The following EIF2AK2 variants were observed in gnomAD, a reference collection of about 807,000 sequenced individuals.
The protein encoded by EIF2AK2 is eukaryotic translation initiation factor 2 alpha kinase 2, also known as interferon-induced, double-stranded RNA-activated protein kinase.
Under a neutral mutation model 70.5 loss-of-function variants are expected in EIF2AK2, and 40 were observed. The ratio of observed to expected loss-of-function variants is 0.57; its 90% CI spans 0.44 to 0.74. The LOEUF is 0.74. Among genes scored for constraint, EIF2AK2 ranks in the 30% least tolerant of loss-of-function variants. The probability of loss-of-function intolerance (pLI) is 0.00; values close to 1 mark genes in which losing one functional copy is unlikely to be tolerated. For synonymous variants in EIF2AK2, 198 were observed against 220.9 expected (o/e 0.90, Z 0.92); for missense variants, 555 against 644.3 (o/e 0.86, Z 1.50).
rs1244738473 is a variant in EIF2AK2 at position 37,114,773 on chromosome 2, T to C, written c.1335A>G (p.Arg445=). The C allele has an allele frequency of 1.2e-6, 2 of 1,605,828 alleles. No individual in the cohort carries two copies. Among genetic ancestry groups the C allele is most frequent in the Non-Finnish European group, 1.7e-6 (2 of 1,176,092 alleles). ...LVTSLKNDGK[R]TRSKGTLRYM... is the part of the protein sequence containing the mutation. Reference sequence around the variant, plus strand: ...ATCGCAAAGTTCCCTTACTCCTTGTTCGCTTTCCATCATTTTTCAGAGATG... The same window carrying C: ...ATCGCAAAGTTCCCTTACTCCTTGTCCGCTTTCCATCATTTTTCAGAGATG... The change falls in exon 14 of 17, where the codon CGA becomes CGG. Residue 445 remains arginine (R), a synonymous_variant. Coordinates refer to ENST00000233057, the MANE Select transcript of EIF2AK2 (RefSeq NM_001135651.3).
chr2:37,133,353 T>C (rs1252142706), intron 10 of EIF2AK2, among the ~76,000 whole-genome samples: 2 of 152,126 alleles, frequency 1.3e-5, no homozygotes, highest in African/African-American at 2.4e-5. Context: ...CCCCTCTCAT[T>C]TCTCCTCTTC....
At chr2:37,109,120 C>G (rs528020805) in intron 15 of EIF2AK2, 74 bp downstream of exon 15, 17 of 1,352,468 alleles carry the variant, frequency 1.3e-5, no homozygotes, top group Non-Finnish European at 1.7e-5. Context: ...AGGGCAAGAA[C>G]TGTCTGCAGC....
intron 4 of EIF2AK2, among the ~76,000 whole-genome samples, chr2:37,142,969 C>T (rs1462961808): frequency 6.6e-6 from 1 of 152,182 alleles, no homozygotes; most frequent in African/African-American, 2.4e-5. Context: ...TGGCTCACAC[C>T]TGTAATCCCA....
At position 37,102,535 on chromosome 2, in the gene EIF2AK2, C is replaced by A. The variant is rs147259307; in HGVS notation, c.*4738G>T. 4.2e-4 allele frequency: 64 copies of A among 152,112 alleles called. No individual in the cohort carries two copies. The East Asian group carries it at 0.011, about 27-fold the overall frequency. 9.4% of individuals were successfully genotyped at this position (152,112 alleles called of 1,614,324 possible). A position where few individuals can be genotyped will look rare whatever the true frequency, so the allele number is the denominator to read the frequency against. On this transcript the variant is annotated 3_prime_UTR_variant, in exon 17 of 17. Coordinates refer to ENST00000233057, the MANE Select transcript of EIF2AK2 (RefSeq NM_001135651.3). Reference sequence around the variant, plus strand: ...TAGTTAGTTAACAGATAGTAGAGACCTGGAAAAGCTTGTATGTAGCCTTTT... The same window carrying A: ...TAGTTAGTTAACAGATAGTAGAGACATGGAAAAGCTTGTATGTAGCCTTTT...
Position 37,103,559 on chromosome 2 carries a change from CATT to C in EIF2AK2, c.*3711_*3713del, listed in dbSNP as rs1673880855. The C allele has an allele frequency of 6.6e-6, 1 of 152,214 alleles. No homozygotes were observed. The highest frequency in any genetic ancestry group is 6.5e-5 in the Admixed American group (1 of 15,278). 9.4% of individuals were successfully genotyped at this position (152,214 alleles called of 1,614,324 possible). On this transcript the variant is annotated 3_prime_UTR_variant, in exon 17 of 17. Transcript: ENST00000233057. ...CTACATTCTCACTAACTGGCCACAT[CATT>C]TAGTGTTTCTTTTGAATATAGCCTC...
chr2:37,149,619 G>A (rs573013502), intron 1 of EIF2AK2, among the ~76,000 whole-genome samples: 3 of 152,122 alleles, frequency 2.0e-5, no homozygotes, highest in African/African-American at 7.2e-5. Context: ...TCCTTACCAG[G>A]AAGGAAAGGA....
chr2:37,127,342 G>A (rs966219265), intron 10 of EIF2AK2, among the ~76,000 whole-genome samples: 1 of 152,128 alleles, frequency 6.6e-6, no homozygotes, highest in African/African-American at 2.4e-5. Flanking sequence ...AGCAACCAGA[G>A]GGATGAAAAC....
intron 10 of EIF2AK2, among the ~76,000 whole-genome samples, chr2:37,131,596 C>T (rs1674940619): frequency 6.6e-6 from 1 of 152,190 alleles, no homozygotes; most frequent in African/African-American, 2.4e-5. Flanking sequence ...TTATCTTCAA[C>T]ACTGATTTTG....
intron 2 of EIF2AK2, 90 bp from the exon 3 acceptor site, chr2:37,147,912 G>A (rs1675612213): frequency 1.3e-6 from 1 of 791,644 alleles, no homozygotes; most frequent in African/African-American, 1.7e-5. Flanking sequence ...AGAGGGGTTG[G>A]GGAGACTCCC....
At chr2:37,118,795 A>T (rs1464504712) in intron 13 of EIF2AK2, among the ~76,000 whole-genome samples, 2 of 152,158 alleles carry the variant, frequency 1.3e-5, no homozygotes, top group African/African-American at 4.8e-5. Flanking sequence ...AGGGCTACTC[A>T]TTCCTCTCTG....
chr2:37,140,603 C>CCG (rs1553339033), intron 5 of EIF2AK2, among the ~76,000 whole-genome samples: 1 of 151,320 alleles, frequency 6.6e-6, no homozygotes, highest in African/African-American at 2.4e-5. Context: ...AGATACTGCC[C>CCG]CCCCCCGCAA....
chr2:37,131,294 T>C (rs1013342004), intron 10 of EIF2AK2, among the ~76,000 whole-genome samples: 2 of 152,206 alleles, frequency 1.3e-5, no homozygotes, highest in African/African-American at 4.8e-5. Context: ...CCTTGGACTA[T>C]TAGCCCAATC....
At chr2:37,153,756 C>T (rs1377172779) in intron 1 of EIF2AK2, among the ~76,000 whole-genome samples, 1 of 152,016 alleles carries the variant, frequency 6.6e-6, no homozygotes, top group Non-Finnish European at 1.5e-5. Context: ...TTATTTCAAC[C>T]TTTTGGCCAT....
chr2:37,139,793 G>A, intron 5 of EIF2AK2, 36 bp from the exon 6 acceptor site: 3 of 1,573,374 alleles, frequency 1.9e-6, no homozygotes, highest in Non-Finnish European at 1.7e-6. Context: ...ATCCAAACAT[G>A]AAAAATATAG....
rs1673832531 is a variant in EIF2AK2 at position 37,101,755 on chromosome 2, T to C, written c.*5518A>G. 6.6e-6 allele frequency: 1 copy of C among 152,126 alleles called. No individual in the cohort carries two copies. The highest frequency in any genetic ancestry group is 2.4e-5 in the African/African-American group (1 of 41,408). The allele number at this position is 152,126 out of a possible 1,614,324, so 9.4% of individuals were successfully genotyped here. ...AAGGAGACACATCAACCAAATGCAA[T>C]GTTGGATCTAGATTTCAACAACCAA... On this transcript the variant is annotated 3_prime_UTR_variant, in exon 17 of 17. Transcript: ENST00000233057.
intron 2 of EIF2AK2, 100 bp from the exon 3 acceptor site, chr2:37,147,922 C>CCTTT (rs1161881257): frequency 4.3e-6 from 3 of 697,178 alleles, no homozygotes; most frequent in Non-Finnish European, 7.4e-6. Context: ...GGGAGACTCC[C>CCTTT]CTTTATAGGA....
chr2:37,148,990 A>C lies in EIF2AK2; in HGVS notation c.-150T>G. On this transcript the variant is annotated 5_prime_UTR_variant, in exon 2 of 17. The change creates a new upstream start codon in the 5' untranslated region. Transcript: ENST00000233057. ...AGTTTTGAGGTCATTACAATTTACA[A>C]ATCCAGGAAGGCAAACTGAATTTGC... 1.2e-6 allele frequency: 1 copy of C among 863,248 alleles called. No individual in the cohort carries two copies. The allele number at this position is 863,248 out of a possible 1,614,324, so 53.5% of individuals were successfully genotyped here.
chr2:37,110,079 CTTT>C (rs763001824), intron 14 of EIF2AK2, among the ~76,000 whole-genome samples: 1 of 143,480 alleles, frequency 7.0e-6, no homozygotes. Flanking sequence ...AAAATGTTGC[CTTT>C]TTTTTTTTTG....
chr2:37,118,384 A>G (rs1674420231), intron 13 of EIF2AK2, among the ~76,000 whole-genome samples: 1 of 152,230 alleles, frequency 6.6e-6, no homozygotes, highest in Non-Finnish European at 1.5e-5. Context: ...CAGCCAGAGT[A>G]AAAATTCTCT....
Sources: gnomAD v4.1 joint callset for allele counts (sites outside exome capture counted in the v4.1 genomes callset) on GRCh38, gnomAD v4.1.1 for gene constraint, MANE v1.5 for transcripts, NCBI Gene and HGNC (gene_info 2026-07-23, HGNC 2026-07-21) for gene names.